Variants in GPD2 observed in about 807,000 individuals in gnomAD.
GPD2 encodes the protein glycerol-3-phosphate dehydrogenase, mitochondrial.
GPD2 carries 54 observed loss-of-function variants against 82.4 expected under a neutral mutation model. The observed-to-expected ratio is 0.66, with a 90% CI of 0.53 to 0.82. The LOEUF (loss-of-function observed/expected upper bound fraction) is 0.82. GPD2 is among the 40% of genes least tolerant of loss of function. GPD2 has a pLI of 0.00. For missense variants in GPD2, 748 were observed against 896.2 expected (o/e 0.83, Z 2.11); for synonymous variants, 288 against 306.1 (o/e 0.94, Z 0.62).
chr2:156,558,739 A>G (rs939409812), intron 9 of GPD2, among the ~76,000 whole-genome samples: 3 of 137,900 alleles, frequency 2.2e-5, no homozygotes, highest in Non-Finnish European at 4.6e-5. Flanking sequence ...CTGGGATTAC[A>G]GGTGCCCACC....
chr2:156,458,965 G>A (rs537878677), intron 1 of GPD2, among the ~76,000 whole-genome samples: 56 of 151,302 alleles, frequency 3.7e-4, no homozygotes, highest in African/African-American at 1.3e-3. Flanking sequence ...CTTCACTTGT[G>A]AGTGTGTATG....
chr2:156,437,774 A>C (rs2105131958), intron 1 of GPD2, among the ~76,000 whole-genome samples: 1 of 152,288 alleles, frequency 6.6e-6, no homozygotes, highest in African/African-American at 2.4e-5. Flanking sequence ...CTTGTGATTC[A>C]TTCAAAGATG....
upstream of GPD2, among the ~76,000 whole-genome samples, chr2:156,436,084 C>A (rs2105128739): frequency 6.6e-6 from 1 of 152,338 alleles, no homozygotes; most frequent in South Asian, 2.1e-4. Flanking sequence ...GACCCGCGTC[C>A]CCGTCTAGTC....
intron 2 of GPD2, among the ~76,000 whole-genome samples, chr2:156,478,583 C>T (rs1046667336): frequency 6.6e-6 from 1 of 152,086 alleles, no homozygotes; most frequent in African/African-American, 2.4e-5. Flanking sequence ...AAAATGACCA[C>T]AGGCCTCCAT....
At chr2:156,475,250 A>G (rs1233463243) in intron 1 of GPD2, among the ~76,000 whole-genome samples, 1 of 152,200 alleles carries the variant, frequency 6.6e-6, no homozygotes, top group Non-Finnish European at 1.5e-5. Context: ...AGTTCCCCTA[A>G]TGAAAGGAAT....
At chr2:156,477,290 G>A (rs553621252) in intron 2 of GPD2, among the ~76,000 whole-genome samples, 12 of 152,168 alleles carry the variant, frequency 7.9e-5, no homozygotes, top group Admixed American at 2.6e-4. Context: ...AAATTAGCTG[G>A]GCGTGATGGT....
At chr2:156,489,695 CCTTCCT>C (rs1684083641) in intron 2 of GPD2, among the ~76,000 whole-genome samples, 1 of 20,020 alleles carries the variant, frequency 5.0e-5, no homozygotes, top group Non-Finnish European at 9.2e-5. Context: ...CTTCTTCCTT[CCTTCCT>C]TCCTTCCTTC....
rs1684194952 is a variant in GPD2 at position 156,492,040 on chromosome 2, C to A, written c.103-4004C>A. Among the ~76,000 whole-genome samples, 3 of 151,272 alleles carry A rather than the reference C, an allele frequency of 2.0e-5. No individual in the cohort carries two copies. The South Asian group carries it at 6.3e-4, about 32-fold the overall frequency. ...ATCTAAAAAAAAAAAAAAAGACACT[C>A]CCAAACTGTTTTCCAAAATAGCTGT... On this transcript the variant is annotated intron_variant, in intron 2 of 16. Coordinates refer to ENST00000438166, the MANE Select transcript of GPD2 (RefSeq NM_000408.5).
the GPD2 span, among the ~76,000 whole-genome samples, chr2:156,415,427 G>C: frequency 6.6e-6 from 1 of 151,870 alleles, no homozygotes; most frequent in African/African-American, 2.4e-5. Context: ...CAAAGTGCTG[G>C]GATTACAGGA....
intron 8 of GPD2, among the ~76,000 whole-genome samples, chr2:156,554,643 T>C (rs566885274): frequency 6.6e-6 from 1 of 152,330 alleles, no homozygotes; most frequent in South Asian, 2.1e-4. Flanking sequence ...CTGCTCTTTA[T>C]ATTAAGAACA....
chr2:156,568,989 TC>T (rs372767085), intron 10 of GPD2, 30 bp downstream of exon 10: 13 of 1,441,448 alleles, frequency 9.0e-6, no homozygotes, highest in East Asian at 2.4e-5. Context: ...TATTTTCTTT[TC>T]TTTTTTTTTT....
At chr2:156,553,866 G>C (rs904623646) in intron 8 of GPD2, among the ~76,000 whole-genome samples, 1 of 152,118 alleles carries the variant, frequency 6.6e-6, no homozygotes, top group Non-Finnish European at 1.5e-5. Flanking sequence ...TTAGCTTTAG[G>C]TCTCCTGAAG....
At chr2:156,416,961 CATTTAA>C in the GPD2 span, among the ~76,000 whole-genome samples, 2 of 152,216 alleles carry the variant, frequency 1.3e-5, no homozygotes, top group Admixed American at 1.3e-4. Flanking sequence ...ACTCAAGAAT[CATTTAA>C]ATTTAAATTT....
At chr2:156,453,112 T>C (rs1682672890) in intron 1 of GPD2, among the ~76,000 whole-genome samples, 1 of 152,202 alleles carries the variant, frequency 6.6e-6, no homozygotes, top group East Asian at 1.9e-4. Context: ...TGAATTTAAA[T>C]TGAGGCCAGT....
At chr2:156,404,988 C>A in the GPD2 span, among the ~76,000 whole-genome samples, 1 of 152,022 alleles carries the variant, frequency 6.6e-6, no homozygotes, top group Middle Eastern at 3.2e-3. Context: ...AACTCTGTTG[C>A]AAAGAAGGTT....
At chr2:156,546,624 G>A (rs552084375) in intron 6 of GPD2, among the ~76,000 whole-genome samples, 17 of 152,176 alleles carry the variant, frequency 1.1e-4, no homozygotes, top group South Asian at 2.1e-4. Context: ...CAGGGCTCGG[G>A]GATACCATCA....
chr2:156,575,593 A>T (rs1454225963), intron 13 of GPD2, among the ~76,000 whole-genome samples: 2 of 150,976 alleles, frequency 1.3e-5, no homozygotes, highest in African/African-American at 4.9e-5. Context: ...TTTTGTGGAG[A>T]CAGGGTTTTG....
At chr2:156,480,712 C>T (rs1683695800) in intron 2 of GPD2, among the ~76,000 whole-genome samples, 3 of 151,716 alleles carry the variant, frequency 2.0e-5, no homozygotes. Flanking sequence ...AATTTTTTTC[C>T]CCCCTGCACC....
intron 1 of GPD2, among the ~76,000 whole-genome samples, chr2:156,451,853 C>T (rs1248012084): frequency 1.5e-4 from 22 of 150,512 alleles, no homozygotes; most frequent in Middle Eastern, 3.5e-3. Flanking sequence ...CTCAGATGGG[C>T]GGAGGGTCTC....
Sources: allele counts gnomAD v4.1 joint callset (sites outside exome capture counted in the v4.1 genomes callset), GRCh38; gene constraint gnomAD v4.1.1; transcripts MANE v1.5; gene names NCBI Gene and HGNC (gene_info 2026-07-23, HGNC 2026-07-21).